RDH16: variants seen among roughly 807,000 people sequenced by gnomAD.
RDH16 encodes human epidermal retinol dehydrogenase.
In RDH16, 25 loss-of-function variants were observed where a neutral mutation model predicts 22.3. The ratio of observed to expected loss-of-function variants is 1.12; its 90% CI spans 0.82 to 1.56. The LOEUF is 1.56. Ranked by LOEUF, RDH16 falls within the 40% of genes most tolerant of loss-of-function variation. The probability of loss-of-function intolerance (pLI) is 0.00; values close to 1 mark genes in which losing one functional copy is unlikely to be tolerated. For missense variants in RDH16, 413 were observed against 394.9 expected (o/e 1.05, Z -0.39); for synonymous variants, 154 against 164.4 (o/e 0.94, Z 0.48).
Position 56,951,945 on chromosome 12 carries a change from C to A in RDH16, c.*84G>T. ...TGCCCTACTGACCGGACGGCTCCCTCCCTCCACTTTATATCTCTCCCAAGG... is the reference window on the plus strand; with the variant it reads ...TGCCCTACTGACCGGACGGCTCCCTACCTCCACTTTATATCTCTCCCAAGG... On this transcript the variant is annotated 3_prime_UTR_variant, in exon 4 of 4. Coordinates refer to ENST00000398138, the MANE Select transcript of RDH16 (RefSeq NM_003708.5). 1.6e-6 allele frequency: 2 copies of A among 1,242,762 alleles called. No individual in the cohort carries two copies. Among genetic ancestry groups the A allele is most frequent in the Non-Finnish European group, 2.3e-6 (2 of 864,024 alleles). The allele number at this position is 1,242,762 out of a possible 1,614,324, so 77.0% of individuals were successfully genotyped here.
chr12:56,953,125 C>T, intron 2 of RDH16, 135 bp from the exon 3 acceptor site: 1 of 840,842 alleles, frequency 1.2e-6, no homozygotes, highest in Non-Finnish European at 1.8e-6. Context: ...ATTTAATTTC[C>T]AGCAATCAAG....
rs1402934281 is a variant in RDH16 at position 56,951,813 on chromosome 12, C to T, written c.*216G>A. ...TGCACCCAGGAGCACTATTTGGTCC[C>T]TGTTTCTCAGCTGCGTAACTTGAAA... On this transcript the variant is annotated 3_prime_UTR_variant, in exon 4 of 4. Transcript: ENST00000398138. 1 of 582,532 alleles carries T rather than the reference C, an allele frequency of 1.7e-6. No homozygotes were observed. The highest frequency in any genetic ancestry group is 3.1e-6 in the Non-Finnish European group (1 of 326,544). The allele number at this position is 582,532 out of a possible 1,614,324, so 36.1% of individuals were successfully genotyped here.
At chr12:56,955,915 C>A (rs1431596228) in intron 1 of RDH16, among the ~76,000 whole-genome samples, 5 of 152,142 alleles carry the variant, frequency 3.3e-5, no homozygotes, top group Admixed American at 1.3e-4. Context: ...CCTTTAGTCC[C>A]AAGTTCACCC....
At chr12:56,956,253 T>C (rs906943213) in intron 1 of RDH16, among the ~76,000 whole-genome samples, 1 of 152,156 alleles carries the variant, frequency 6.6e-6, no homozygotes, top group African/African-American at 2.4e-5. Context: ...CAGGAAGGAA[T>C]TTCATATCCA....
Position 56,954,235 on chromosome 12 carries a change from G to A in RDH16, c.572+671C>T, listed in dbSNP as rs181006105. Reference sequence around the variant, plus strand: ...TCTGCATGAGCTTGTGTGTGTCCGCGGCCCTAAGGCATGCCCCAGGTTTAC... The same window carrying A: ...TCTGCATGAGCTTGTGTGTGTCCGCAGCCCTAAGGCATGCCCCAGGTTTAC... On this transcript the variant is annotated intron_variant, in intron 2 of 3. Coordinates refer to ENST00000398138, the MANE Select transcript of RDH16 (RefSeq NM_003708.5). Among the ~76,000 whole-genome samples the A allele has an allele frequency of 6.6e-5, 10 of 152,250 alleles. No individual in the cohort carries two copies. The South Asian group carries it at 8.3e-4, about 13-fold the overall frequency.
chr12:56,955,077 A>G lies in RDH16; in HGVS notation c.401T>C (p.Leu134Pro). Residue 134 changes from leucine to proline, a missense_variant, in exon 2 of 4, where the codon CTG becomes CCG. Coordinates refer to ENST00000398138, the MANE Select transcript of RDH16 (RefSeq NM_003708.5). ...LLTKQDFVTI[L>P]DVNLLGVIDV... ...AATCACCCCCAACAAGTTCACGTCC[A>G]GTATGGTCACGAAGTCCTGCTTGGT... 2 of 1,614,142 alleles carry G rather than the reference A, an allele frequency of 1.2e-6. No individual in the cohort carries two copies. Among genetic ancestry groups the G allele is most frequent in the Non-Finnish European group, 1.7e-6 (2 of 1,180,030 alleles).
At position 56,957,216 on chromosome 12, in the gene RDH16, C is replaced by A. The variant is rs767187452; in HGVS notation, c.247G>T (p.Asp83Tyr). 1 of 1,614,042 alleles carries A rather than the reference C, an allele frequency of 6.2e-7. No individual in the cohort carries two copies. Among genetic ancestry groups the A allele is most frequent in the Non-Finnish European group, 8.5e-7 (1 of 1,180,032 alleles). ...GCAACGCTCTCTGTCTTGGTAACAT[C>A]CAGGGTCACCGTCTCCAGCCTGTCT... ...TSDRLETVTL[D>Y]VTKTESVAAA... Residue 83 changes from aspartate to tyrosine, a missense_variant, in exon 1 of 4, where the codon GAT (aspartate) becomes TAT (tyrosine). Transcript: ENST00000398138.
At chr12:56,952,408 C>A (rs972357020) in intron 3 of RDH16, among the ~76,000 whole-genome samples, 162 bp from the exon 4 acceptor site, 2 of 152,178 alleles carry the variant, frequency 1.3e-5, no homozygotes, top group Admixed American at 1.3e-4. Flanking sequence ...AGCTGGAGCC[C>A]ATCCATGTGA....
rs115026460 is a variant in RDH16 at position 56,951,539 on chromosome 12, G to A, written c.*490C>T. The A allele has an allele frequency of 8.0e-4, 143 of 179,768 alleles. No individual in the cohort carries two copies. The highest frequency in any genetic ancestry group is 3.1e-3 in the African/African-American group (134 of 43,122). 11.1% of individuals were successfully genotyped at this position (179,768 alleles called of 1,614,324 possible). On this transcript the variant is annotated 3_prime_UTR_variant, in exon 4 of 4. Coordinates refer to ENST00000398138, the MANE Select transcript of RDH16 (RefSeq NM_003708.5). ...GATGACTCCTGAGGCCTATGGGGCC[G>A]CATAATGGTTCCAGTCCCAACACCA...
intron 2 of RDH16, among the ~76,000 whole-genome samples, chr12:56,954,399 A>G (rs756915733): frequency 2.4e-4 from 36 of 152,158 alleles, no homozygotes; most frequent in Non-Finnish European, 4.3e-4. Context: ...GCTGTAGCTG[A>G]TCTTTCTCTG....
At chr12:56,954,074 C>T (rs1312912823) in intron 2 of RDH16, among the ~76,000 whole-genome samples, 1 of 152,136 alleles carries the variant, frequency 6.6e-6, no homozygotes, top group East Asian at 1.9e-4. Flanking sequence ...GTCTTTGGGC[C>T]CCAGAGAGCC....
At chr12:56,953,667 C>T (rs1401726440) in intron 2 of RDH16, among the ~76,000 whole-genome samples, 1 of 152,186 alleles carries the variant, frequency 6.6e-6, no homozygotes, top group African/African-American at 2.4e-5. Context: ...GTGGCTAATG[C>T]TCACTCTGGG....
intron 1 of RDH16, among the ~76,000 whole-genome samples, chr12:56,956,087 G>C (rs1317101494): frequency 6.6e-6 from 1 of 152,166 alleles, no homozygotes; most frequent in Non-Finnish European, 1.5e-5. Context: ...CCAGGCATAT[G>C]AACCTGTCCC....
chr12:56,956,190 G>C (rs1171230976), intron 1 of RDH16, among the ~76,000 whole-genome samples: 1 of 152,086 alleles, frequency 6.6e-6, no homozygotes, highest in Non-Finnish European at 1.5e-5. Flanking sequence ...CACACTTACA[G>C]AGACGTTGGC....
chr12:56,953,973 A>C (rs1447693263), intron 2 of RDH16, among the ~76,000 whole-genome samples: 1 of 152,210 alleles, frequency 6.6e-6, no homozygotes. Context: ...CAAGGGCCTA[A>C]AGTGTCTGTT....
At chr12:56,953,800 C>T (rs1306955232) in intron 2 of RDH16, among the ~76,000 whole-genome samples, 7 of 152,208 alleles carry the variant, frequency 4.6e-5, no homozygotes, top group Admixed American at 4.6e-4. Flanking sequence ...ATCTCCAGGA[C>T]TCTCCTCAAC....
intron 2 of RDH16, 129 bp from the exon 3 acceptor site, chr12:56,953,119 A>G (rs1268026176): frequency 3.5e-6 from 3 of 849,046 alleles, no homozygotes; most frequent in Non-Finnish European, 5.3e-6. Context: ...TGGAATATTT[A>G]ATTTCCAGCA....
chr12:56,955,827 G>C (rs1490239620), intron 1 of RDH16, among the ~76,000 whole-genome samples: 2 of 152,090 alleles, frequency 1.3e-5, no homozygotes, highest in Non-Finnish European at 2.9e-5. Context: ...ACCCCACTCA[G>C]TACACAGACT....
At position 56,952,265 on chromosome 12, in the gene RDH16, A is replaced by T. The variant is rs892009097; in HGVS notation, c.737-19T>A. 1 of 1,610,218 alleles carries T rather than the reference A, an allele frequency of 6.2e-7. No homozygotes were observed. The highest frequency in any genetic ancestry group is 1.1e-5 in the South Asian group (1 of 90,678). ...TTCTTATCTGTTAAGAATCAGAAAC[A>T]ATCCATGTATATTTCCACCTCTAAC... On this transcript the variant is annotated intron_variant, in intron 3 of 3. Coordinates refer to ENST00000398138, the MANE Select transcript of RDH16 (RefSeq NM_003708.5).
Sources: allele counts gnomAD v4.1 joint callset (sites outside exome capture counted in the v4.1 genomes callset), GRCh38; gene constraint gnomAD v4.1.1; transcripts MANE v1.5; gene names NCBI Gene and HGNC (gene_info 2026-07-23, HGNC 2026-07-21).